Variants in NXN observed in about 807,000 individuals in gnomAD.
The protein encoded by NXN is nucleoredoxin, also known as nucleoredoxin 1.
NXN carries 16 observed loss-of-function variants against 48.6 expected under a neutral mutation model. The ratio of observed to expected loss-of-function variants is 0.33; its 90% CI spans 0.22 to 0.50. The LOEUF (loss-of-function observed/expected upper bound fraction) is 0.50. Among genes scored for constraint, NXN ranks in the 20% least tolerant of loss-of-function variants. NXN has a pLI of 0.98. For synonymous variants in NXN, 281 were observed against 269.6 expected (o/e 1.04, Z -0.41); for missense variants, 492 against 605.5 (o/e 0.81, Z 1.97).
At chr17:916,200 T>G (rs1335913676) in intron 1 of NXN, among the ~76,000 whole-genome samples, 4 of 152,070 alleles carry the variant, frequency 2.6e-5, no homozygotes, top group East Asian at 3.9e-4. Context: ...GCAACAGAAA[T>G]GGAGGCAGAA....
At chr17:873,573 A>C (rs1003834923) in intron 1 of NXN, among the ~76,000 whole-genome samples, 1 of 151,508 alleles carries the variant, frequency 6.6e-6, no homozygotes, top group Non-Finnish European at 1.5e-5. Flanking sequence ...GAGACCTTTG[A>C]GAATATACAA....
intron 1 of NXN, among the ~76,000 whole-genome samples, chr17:924,471 A>G (rs2144958814): frequency 6.6e-6 from 1 of 152,346 alleles, no homozygotes. Context: ...TCCCAACCTC[A>G]GGTGATCCGC....
rs904194588 is a variant in NXN at position 825,466 on chromosome 17, G to A, written c.478+495C>T. ...GCGGCTGGAGGAGCACAGCCCACGC[G>A]TAGCCAGCAAGACCAAGGCCCGCAG... On this transcript the variant is annotated intron_variant, in intron 2 of 7. Transcript: ENST00000336868. This position sits in a 1 kb window ranked among gnomAD's most constrained non-coding sequence, Gnocchi z 4.1. The A allele has an allele frequency of 7.5e-5, 12 of 160,178 alleles. No homozygotes were observed. Among genetic ancestry groups the A allele is most frequent in the African/African-American group, 2.4e-4 (10 of 41,476 alleles). 9.9% of individuals were successfully genotyped at this position (160,178 alleles called of 1,614,324 possible).
At position 958,555 on chromosome 17, in the gene NXN, G is replaced by C. The variant is rs1048186625; in HGVS notation, c.360+20764C>G. Among the ~76,000 whole-genome samples, 4 of 152,052 alleles carry C rather than the reference G, an allele frequency of 2.6e-5. 1 individual carries two copies. Among genetic ancestry groups the C allele is most frequent in the African/African-American group, 9.7e-5 (4 of 41,386 alleles). ...TGGGAGGCCGAAGCGGGTGGATCACGAGGTCAGGAGTTCGAGACCAGCCTG... is the reference window on the plus strand; with the variant it reads ...TGGGAGGCCGAAGCGGGTGGATCACCAGGTCAGGAGTTCGAGACCAGCCTG... On this transcript the variant is annotated intron_variant, in intron 1 of 7. Coordinates refer to ENST00000336868, the MANE Select transcript of NXN (RefSeq NM_022463.5). This position sits in a 1 kb window ranked among gnomAD's most constrained non-coding sequence, Gnocchi z 6.9.
At chr17:836,583 C>T (rs1004678497) in intron 1 of NXN, among the ~76,000 whole-genome samples, 3 of 152,322 alleles carry the variant, frequency 2.0e-5, no homozygotes, top group South Asian at 2.1e-4. Flanking sequence ...ACTGAGGTTA[C>T]TCAGCACAGG....
At chr17:808,848 T>A (rs4968113) in intron 5 of NXN, among the ~76,000 whole-genome samples, 54,272 of 151,148 alleles carry the variant, frequency 0.36, 10,067 homozygotes, top group African/African-American at 0.42. Context: ...CTCATTTTTT[T>A]AATTTTTTAG....
intron 1 of NXN, among the ~76,000 whole-genome samples, chr17:826,412 G>A (rs574037540): frequency 5.3e-5 from 8 of 152,254 alleles, no homozygotes; most frequent in Admixed American, 2.6e-4. Flanking sequence ...ACTCAGAGGC[G>A]GAGGCTGATG....
chr17:979,588 T>C lies in NXN; in HGVS notation c.91A>G (p.Ile31Val), dbSNP rs780253304. 66 of 1,441,410 alleles carry C rather than the reference T, an allele frequency of 4.6e-5. No homozygotes were observed. Among genetic ancestry groups the C allele is most frequent in the African/African-American group, 7.4e-5 (5 of 67,906 alleles). The allele number at this position is 1,441,410 out of a possible 1,614,324, so 89.3% of individuals were successfully genotyped here. A position where few individuals can be genotyped will look rare whatever the true frequency, so the allele number is the denominator to read the frequency against. The change falls in exon 1 of 8, where the codon ATC becomes GTC. Residue 31 changes from isoleucine to valine, a missense_variant. Physicochemically the swap from Ile to Val is conservative, Grantham distance 29. This residue lies in a region of NXN where 186 missense variants were observed against 199.1 expected (regional missense o/e 0.93). Transcript: ENST00000336868. Reference sequence around the variant, plus strand: ...CCGAAGTAGAGACCCAGCAGCGAGATGCCGCGGGCGCCCAGCGAGTGCACG... The same window carrying C: ...CCGAAGTAGAGACCCAGCAGCGAGACGCCGCGGGCGCCCAGCGAGTGCACG... ...VDVHSLGARGISLLGLYFGCS... is the reference protein window; with the variant it reads ...VDVHSLGARGVSLLGLYFGCS...
At position 979,304 on chromosome 17, in the gene NXN, G is replaced by T; in HGVS notation, c.360+15C>A. The T allele has an allele frequency of 6.7e-7, 1 of 1,492,556 alleles. No homozygotes were observed. The allele number at this position is 1,492,556 out of a possible 1,614,324, so 92.5% of individuals were successfully genotyped here. A position where few individuals can be genotyped will look rare whatever the true frequency, so the allele number is the denominator to read the frequency against. ...TGGGGGGCGGGCAGGGGCCGGCGAGGCCCGCGCCGCTCACCTTCCTGTGCT... is the reference window on the plus strand; with the variant it reads ...TGGGGGGCGGGCAGGGGCCGGCGAGTCCCGCGCCGCTCACCTTCCTGTGCT... On this transcript the variant is annotated intron_variant, in intron 1 of 7. Transcript: ENST00000336868.
chr17:860,929 G>T (rs188979810), intron 1 of NXN, among the ~76,000 whole-genome samples: 174 of 152,308 alleles, frequency 1.1e-3, no homozygotes, highest in South Asian at 1.9e-3. Flanking sequence ...AGGACAAAAA[G>T]AACTGAAAAG....
intron 1 of NXN, among the ~76,000 whole-genome samples, chr17:894,688 T>C (rs930104565): frequency 1.3e-5 from 2 of 152,190 alleles, no homozygotes; most frequent in African/African-American, 4.8e-5. Flanking sequence ...GCCCAGAACC[T>C]GGGGGTCCTG....
In NXN at chr17:979,696, C is replaced by A; in HGVS notation, c.-18G>T. Reference sequence around the variant, plus strand: ...CCCGACATCCTGGCCCACCGCAGGGCGGGCAGGCGGCTGCGACCCCGCTCC... The same window carrying A: ...CCCGACATCCTGGCCCACCGCAGGGAGGGCAGGCGGCTGCGACCCCGCTCC... On this transcript the variant is annotated 5_prime_UTR_variant, in exon 1 of 8. Coordinates refer to ENST00000336868, the MANE Select transcript of NXN (RefSeq NM_022463.5). 2 of 1,397,330 alleles carry A rather than the reference C, an allele frequency of 1.4e-6. No homozygotes were observed. Among genetic ancestry groups the A allele is most frequent in the South Asian group, 1.5e-5 (1 of 67,604 alleles). 86.6% of individuals were successfully genotyped at this position (1,397,330 alleles called of 1,614,324 possible).
intron 1 of NXN, among the ~76,000 whole-genome samples, chr17:884,149 A>G (rs2068316594): frequency 6.6e-6 from 1 of 152,046 alleles, no homozygotes; most frequent in Non-Finnish European, 1.5e-5. Context: ...TGAACCTGGG[A>G]GGCGGAGCTT....
At chr17:909,551 T>C (rs1296446309) in intron 1 of NXN, 1 of 149,898 alleles carries the variant, frequency 6.7e-6, no homozygotes, top group Non-Finnish European at 1.5e-5. Flanking sequence ...TTTTTTTTTT[T>C]TTTTTGAGAC....
At chr17:961,064 G>A (rs1257359437) in intron 1 of NXN, among the ~76,000 whole-genome samples, 4 of 151,248 alleles carry the variant, frequency 2.6e-5, no homozygotes, top group African/African-American at 4.8e-5. Context: ...GATTACAGCC[G>A]TGAGCCACCG....
chr17:871,641 G>T (rs1187422831), intron 1 of NXN, among the ~76,000 whole-genome samples: 3 of 151,744 alleles, frequency 2.0e-5, no homozygotes, highest in African/African-American at 7.3e-5. Flanking sequence ...CTGACCTCAG[G>T]TGATCCACCT....
At chr17:885,902 A>C (rs1208878471) in intron 1 of NXN, among the ~76,000 whole-genome samples, 2 of 150,198 alleles carry the variant, frequency 1.3e-5, no homozygotes, top group African/African-American at 2.5e-5. Context: ...GTCAGCCAGG[A>C]TGGTCTCGAT....
intron 1 of NXN, among the ~76,000 whole-genome samples, chr17:962,044 A>C (rs1193162185): frequency 6.6e-6 from 1 of 152,172 alleles, no homozygotes; most frequent in African/African-American, 2.4e-5. Context: ...CTGAGGCAGG[A>C]GAATCACTTG....
intron 1 of NXN, among the ~76,000 whole-genome samples, chr17:839,393 C>G (rs1914012023): frequency 6.6e-6 from 1 of 151,952 alleles, no homozygotes; most frequent in Admixed American, 6.6e-5. Context: ...CGAGGTCACA[C>G]CACTGCACTC....
Sources: allele counts gnomAD v4.1 joint callset (sites outside exome capture counted in the v4.1 genomes callset), GRCh38; gene constraint gnomAD v4.1.1; regional missense constraint gnomAD v4.1.1; non-coding constraint Gnocchi (gnomAD v3.1); transcripts MANE v1.5; gene names NCBI Gene and HGNC (gene_info 2026-07-23, HGNC 2026-07-21).